BDNF: variants seen among roughly 807,000 people sequenced by gnomAD.
The protein encoded by BDNF is brain derived neurotrophic factor, also known as neurotrophic factor BDNF precursor form.
Under a neutral mutation model 19.5 loss-of-function variants are expected in BDNF, and 1 was observed. The observed-to-expected ratio is 0.05, with a 90% confidence interval of 0.02 to 0.24. The LOEUF (loss-of-function observed/expected upper bound fraction) is 0.24. BDNF is among the 10% of genes least tolerant of loss of function. The pLI is 1.00. For missense variants in BDNF, 195 were observed against 317.6 expected (o/e 0.61, Z 2.93); for synonymous variants, 100 against 121.6 (o/e 0.82, Z 1.17).
chr11:27,699,390 C>A (rs66866077), intron 1 of BDNF: 3 of 1,614,150 alleles, frequency 1.9e-6, no homozygotes, highest in Non-Finnish European at 2.5e-6. Context: ...ACCCATTCCT[C>A]TTCCCGGCTC....
chr11:27,657,009 GCTTA>G lies in BDNF; in HGVS notation c.*808_*811del, dbSNP rs1852653736. On this transcript the variant is annotated 3_prime_UTR_variant, in exon 2 of 2. Coordinates refer to ENST00000356660, the MANE Select transcript of BDNF (RefSeq NM_001709.5). The surrounding 1 kb of genome is among the most constrained non-coding windows in gnomAD (Gnocchi z 5.0). ...AACATAGGTCCTTCCGTCAAAAGCA[GCTTA>G]CTCTGACCAACGCCCAAAGAATGAG... 2.0e-6 allele frequency: 2 copies of G among 985,358 alleles called. No individual in the cohort carries two copies. Among genetic ancestry groups the G allele is most frequent in the East Asian group, 2.3e-4 (2 of 8,828 alleles). 61.0% of individuals were successfully genotyped at this position (985,358 alleles called of 1,614,324 possible).
intron 1 of BDNF, among the ~76,000 whole-genome samples, chr11:27,713,929 A>T (rs1217650424): frequency 6.6e-6 from 1 of 152,162 alleles, no homozygotes; most frequent in African/African-American, 2.4e-5. Context: ...TAGACACTAG[A>T]CTTTAAAGAT....
chr11:27,679,020 C>T (rs1454771972), intron 1 of BDNF, among the ~76,000 whole-genome samples: 1 of 152,162 alleles, frequency 6.6e-6, no homozygotes, highest in Non-Finnish European at 1.5e-5. Context: ...GCACTACTAT[C>T]CAGACACTGG....
At chr11:27,700,520 G>GCCCCCCCCCCCCCCCCCC (rs67192910), upstream of BDNF, 14 of 685,732 alleles carry the variant, frequency 2.0e-5, no homozygotes, top group African/African-American at 2.2e-4. Flanking sequence ...AAACGGCGCC[G>GCCCCCCCCCCCCCCCCCC]CCCCCCCCCC....
Position 27,712,932 on chromosome 11 carries a change from T to C in BDNF, c.3+8480A>G, listed in dbSNP as rs398045770. On this transcript the variant is annotated intron_variant, in intron 1 of 1. Coordinates refer to the BDNF transcript ENST00000314915. ...AATTCTTTCTTTCTTTCTTTCTTTT[T>C]TTTTTTTTTTTTTTTGCCAGGCTGG... Among the ~76,000 whole-genome samples, 1,154 of 142,470 alleles carry C rather than the reference T, an allele frequency of 8.1e-3. 5 individuals carry two copies. Among genetic ancestry groups the C allele is most frequent in the East Asian group, 0.031 (144 of 4,572 alleles). 93.5% of individuals were successfully genotyped at this position (142,470 alleles called of 152,430 possible). A position where few individuals can be genotyped will look rare whatever the true frequency, so the allele number is the denominator to read the frequency against.
rs1204712656 is a variant in BDNF, at chr11:27,657,736, TAACTG to T, written c.*80_*84del. The stretch of plus-strand genomic sequence containing the variant: ...GCAGTTCATAAAATTATTTTTTTCT[TAACTG>T]AATAATTTACCCTGTTATGTATATA... On this transcript the variant is annotated 3_prime_UTR_variant, in exon 2 of 2. Transcript: ENST00000356660. This position sits in a 1 kb window ranked among gnomAD's most constrained non-coding sequence, Gnocchi z 5.0. The T allele has an allele frequency of 1.3e-6, 2 of 1,569,766 alleles. No homozygotes were observed. The highest frequency in any genetic ancestry group is 1.2e-5 in the South Asian group (1 of 86,288).
At chr11:27,687,167 C>G (rs1857589835) in intron 1 of BDNF, among the ~76,000 whole-genome samples, 1 of 152,142 alleles carries the variant, frequency 6.6e-6, no homozygotes, top group Non-Finnish European at 1.5e-5. Flanking sequence ...GATCTTCAAT[C>G]TCTGATATCC....
chr11:27,718,354 A>ACCACC (rs1554950387), intron 1 of BDNF, among the ~76,000 whole-genome samples: 1 of 101,112 alleles, frequency 9.9e-6, no homozygotes, highest in Non-Finnish European at 2.0e-5. Flanking sequence ...TCCGCACACC[A>ACCACC]CCCCCCCCCG....
Position 27,700,353 on chromosome 11 carries a change from C to T in BDNF, c.-211G>A, listed in dbSNP as rs1859762139. ...GGCGCACCGGGCTGGCTCCTCTGTC[C>T]GGCCCGGGAGCCCGAGGCGCTACGG... On this transcript the variant is annotated 5_prime_UTR_variant, in exon 1 of 2. Transcript: ENST00000356660. 1.0e-6 allele frequency: 1 copy of T among 985,486 alleles called. No individual in the cohort carries two copies. The highest frequency in any genetic ancestry group is 1.2e-6 in the Non-Finnish European group (1 of 829,944). The allele number at this position is 985,486 out of a possible 1,614,324, so 61.0% of individuals were successfully genotyped here.
At position 27,657,252 on chromosome 11, in the gene BDNF, A is replaced by G; in HGVS notation, c.*569T>C. 1.0e-6 allele frequency: 1 copy of G among 987,490 alleles called. No homozygotes were observed. The highest frequency in any genetic ancestry group is 1.2e-6 in the Non-Finnish European group (1 of 830,990). 61.2% of individuals were successfully genotyped at this position (987,490 alleles called of 1,614,324 possible). On this transcript the variant is annotated 3_prime_UTR_variant, in exon 2 of 2. Transcript: ENST00000356660. This position sits in a 1 kb window ranked among gnomAD's most constrained non-coding sequence, Gnocchi z 5.0. The stretch of plus-strand genomic sequence containing the variant: ...TAAAAAACAAAACAAACAAACGAAA[A>G]AAAAACACAAAACAAACAAAAATAT...
chr11:27,672,108 T>G (rs371324054), intron 1 of BDNF, among the ~76,000 whole-genome samples: 8 of 152,310 alleles, frequency 5.3e-5, no homozygotes, highest in African/African-American at 1.9e-4. Context: ...TGTTTTTACT[T>G]AAGTAAAATC....
At chr11:27,692,361 C>T (rs1858409642) in intron 1 of BDNF, among the ~76,000 whole-genome samples, 1 of 152,094 alleles carries the variant, frequency 6.6e-6, no homozygotes, top group Non-Finnish European at 1.5e-5. Flanking sequence ...TCCTTCCCTC[C>T]AACGGGGTCT....
intron 1 of BDNF, among the ~76,000 whole-genome samples, chr11:27,699,841 T>C (rs1485698980): frequency 1.3e-5 from 2 of 152,126 alleles, no homozygotes; most frequent in Non-Finnish European, 2.9e-5. Context: ...CGACTACTCC[T>C]GGGCTGGGGG....
In BDNF at chr11:27,657,605, G is replaced by C. The variant is rs1013489157; in HGVS notation, c.*216C>G. ...CCACAACATTATCAAGGAATGTAAT[G>C]CAGACTTTTTAAGTTGTGCGCAAAT... On this transcript the variant is annotated 3_prime_UTR_variant, in exon 2 of 2. Transcript: ENST00000356660. This position sits in a 1 kb window ranked among gnomAD's most constrained non-coding sequence, Gnocchi z 5.0. 71 of 1,365,066 alleles carry C rather than the reference G, an allele frequency of 5.2e-5. No homozygotes were observed. The African/African-American group carries it at 9.8e-4, about 19-fold the overall frequency. The allele number at this position is 1,365,066 out of a possible 1,614,324, so 84.6% of individuals were successfully genotyped here. A position where few individuals can be genotyped will look rare whatever the true frequency, so the allele number is the denominator to read the frequency against.
At chr11:27,719,369 G>T in intron 1 of BDNF, 2 of 732,706 alleles carry the variant, frequency 2.7e-6, no homozygotes, top group Non-Finnish European at 3.3e-6. Context: ...CCGCCGCACG[G>T]AGCTAAAAGT....
upstream of BDNF, among the ~76,000 whole-genome samples, chr11:27,704,097 CT>C (rs1860017964): frequency 6.6e-6 from 1 of 152,110 alleles, no homozygotes; most frequent in South Asian, 2.1e-4. Context: ...CATTTCTCTT[CT>C]TCTTAAAAAT....
chr11:27,692,636 C>T lies in BDNF; in HGVS notation c.-22+7528G>A, dbSNP rs561145648. Among the ~76,000 whole-genome samples the T allele has an allele frequency of 2.6e-4, 40 of 152,302 alleles. No homozygotes were observed. The South Asian group carries it at 7.5e-3, about 28-fold the overall frequency. ...GGGATTACAGGCATGAGCCACCACACCAGACCTCTTTTTTCTTTATTATAT... is the reference window on the plus strand; with the variant it reads ...GGGATTACAGGCATGAGCCACCACATCAGACCTCTTTTTTCTTTATTATAT... On this transcript the variant is annotated intron_variant, in intron 1 of 1. Coordinates refer to ENST00000356660, the MANE Select transcript of BDNF (RefSeq NM_001709.5).
chr11:27,660,462 A>AT (rs369883847), intron 1 of BDNF, among the ~76,000 whole-genome samples: 185 of 152,316 alleles, frequency 1.2e-3, no homozygotes, highest in African/African-American at 4.4e-3. Flanking sequence ...CATCAAAGAA[A>AT]TAGATCGTCC....
chr11:27,660,590 A>G (rs1853304566), intron 1 of BDNF, among the ~76,000 whole-genome samples: 1 of 152,202 alleles, frequency 6.6e-6, no homozygotes, highest in Non-Finnish European at 1.5e-5. Context: ...GGTCAATAAA[A>G]GTTTGCAAAT....
Sources: gnomAD v4.1 joint callset for allele counts (sites outside exome capture counted in the v4.1 genomes callset) on GRCh38, gnomAD v4.1.1 for gene constraint, Gnocchi (gnomAD v3.1) non-coding constraint, MANE v1.5 for transcripts, NCBI Gene and HGNC (gene_info 2026-07-23, HGNC 2026-07-21) for gene names.